SSBP3: variants seen among roughly 807,000 people sequenced by gnomAD.
The protein encoded by SSBP3 is single stranded DNA binding protein 3, also known as single-stranded DNA-binding protein 3.
In SSBP3, 5 loss-of-function variants were observed where a neutral mutation model predicts 69.6. The observed-to-expected ratio is 0.07, with a 90% CI of 0.04 to 0.15. The LOEUF is 0.15. Among genes scored for constraint, SSBP3 ranks in the 10% least tolerant of loss-of-function variants. SSBP3 has a pLI of 1.00. For synonymous variants in SSBP3, 196 were observed against 193.4 expected, an observed-to-expected ratio of 1.01 and a Z score of -0.11; for missense variants, 312 against 534.0, an observed-to-expected ratio of 0.58 and a Z score of 4.10.
chr1:54,334,296 G>C (rs1646471982), intron 4 of SSBP3, among the ~76,000 whole-genome samples: 1 of 151,860 alleles, frequency 6.6e-6, no homozygotes. Context: ...AGGTTGAAGT[G>C]AGCTGAGATT....
At chr1:54,375,292 A>ACCACCTAT (rs1647200193) in intron 4 of SSBP3, among the ~76,000 whole-genome samples, 2 of 152,246 alleles carry the variant, frequency 1.3e-5, no homozygotes, top group African/African-American at 2.4e-5. Context: ...TGGATGACAA[A>ACCACCTAT]CCACCTAGGG....
intron 4 of SSBP3, among the ~76,000 whole-genome samples, chr1:54,349,683 G>C (rs1466494150): frequency 6.6e-6 from 1 of 150,862 alleles, no homozygotes; most frequent in Non-Finnish European, 1.5e-5. Flanking sequence ...GTCACAAGAG[G>C]TGGGTATCCA....
chr1:54,315,406 A>C (rs1646077299), intron 4 of SSBP3, among the ~76,000 whole-genome samples: 1 of 152,154 alleles, frequency 6.6e-6, no homozygotes, highest in East Asian at 1.9e-4. Context: ...GTACTATGAG[A>C]AGCACACAGC....
intron 5 of SSBP3, among the ~76,000 whole-genome samples, chr1:54,276,608 CAAAA>C (rs746933473): frequency 0.19 from 6,530 of 34,760 alleles, 156 homozygotes; most frequent in Middle Eastern, 0.21. Context: ...GACTCTGTCT[CAAAA>C]AAAAAAAAAA....
chr1:54,308,311 G>A (rs1371526382), intron 4 of SSBP3, among the ~76,000 whole-genome samples: 1 of 151,960 alleles, frequency 6.6e-6, no homozygotes, highest in Non-Finnish European at 1.5e-5. Flanking sequence ...ACAAAAATTA[G>A]CCGGGCGTGG....
At chr1:54,265,873 G>A (rs1645093081) in intron 5 of SSBP3, among the ~76,000 whole-genome samples, 1 of 152,208 alleles carries the variant, frequency 6.6e-6, no homozygotes, top group East Asian at 1.9e-4. Context: ...TGGGCAGACA[G>A]CAAGGGTTCA....
At chr1:54,256,146 C>G (rs530615417) in intron 7 of SSBP3, among the ~76,000 whole-genome samples, 1 of 152,146 alleles carries the variant, frequency 6.6e-6, no homozygotes, top group East Asian at 1.9e-4. Flanking sequence ...TCACCTCACT[C>G]AGGAGCCTTC....
upstream of SSBP3, among the ~76,000 whole-genome samples, chr1:54,407,052 G>A (rs1649833463): frequency 6.6e-6 from 1 of 152,056 alleles, no homozygotes; most frequent in Admixed American, 6.5e-5. Flanking sequence ...TCGAGCCGGC[G>A]CCGAGGCGCG....
intron 14 of SSBP3, among the ~76,000 whole-genome samples, chr1:54,235,612 C>T (rs1401815612): frequency 6.6e-6 from 1 of 151,850 alleles, no homozygotes; most frequent in East Asian, 1.9e-4. Context: ...GCCACCACGC[C>T]TGGCTAATTT....
intron 4 of SSBP3, among the ~76,000 whole-genome samples, chr1:54,289,588 C>T (rs1285236261): frequency 6.6e-6 from 1 of 152,082 alleles, no homozygotes; most frequent in East Asian, 1.9e-4. Context: ...GTGCTCTGGG[C>T]AGGCGCTGTG....
intron 4 of SSBP3, among the ~76,000 whole-genome samples, chr1:54,396,367 T>C (rs1648888231): frequency 6.6e-6 from 1 of 152,112 alleles, no homozygotes; most frequent in South Asian, 2.1e-4. Flanking sequence ...CTAAAAAAGA[T>C]TAATTTTTCT....
At chr1:54,300,836 T>C (rs949971835) in intron 4 of SSBP3, among the ~76,000 whole-genome samples, 1 of 152,214 alleles carries the variant, frequency 6.6e-6, no homozygotes, top group African/African-American at 2.4e-5. Context: ...CCATTTTTTT[T>C]ATTTCAGAGA....
intron 1 of SSBP3, 41 bp downstream of exon 1, chr1:54,405,912 C>T (rs780224930): frequency 2.4e-6 from 3 of 1,240,560 alleles, no homozygotes; most frequent in Non-Finnish European, 2.1e-6. Context: ...CCGCCCGCAG[C>T]CCGGCGGCGG....
At chr1:54,369,222 G>GGT (rs1553146722) in intron 4 of SSBP3, among the ~76,000 whole-genome samples, 1 of 150,892 alleles carries the variant, frequency 6.6e-6, no homozygotes, top group African/African-American at 2.4e-5. Context: ...TTGAGTCGGG[G>GGT]GGGGGGCCCA....
chr1:54,296,429 T>C (rs1557506796), intron 4 of SSBP3, among the ~76,000 whole-genome samples: 2 of 152,230 alleles, frequency 1.3e-5, no homozygotes, highest in African/African-American at 2.4e-5. Context: ...TTTAAGGCCA[T>C]TGCCATGGTC....
chr1:54,289,067 C>A (rs1175891099), intron 4 of SSBP3, among the ~76,000 whole-genome samples: 2 of 121,298 alleles, frequency 1.6e-5, no homozygotes, highest in Non-Finnish European at 3.6e-5. Context: ...ACAGTAATGT[C>A]CCACTCACCC....
chr1:54,272,584 A>G (rs1394974257), intron 5 of SSBP3, among the ~76,000 whole-genome samples: 1 of 151,774 alleles, frequency 6.6e-6, no homozygotes, highest in Non-Finnish European at 1.5e-5. Context: ...AGCTATGAAG[A>G]GACAAAACAA....
chr1:54,405,988 G>A (rs767395337), exon 1 of SSBP3: 32 of 1,484,246 alleles, frequency 2.2e-5, no homozygotes, highest in African/African-American at 1.0e-4. Context: ...GCACCGCCGA[G>A]CCTTTGCCTT....
chr1:54,405,006 G>C (rs550316406), intron 1 of SSBP3, 76 bp from the exon 2 acceptor site: 2 of 1,356,212 alleles, frequency 1.5e-6, no homozygotes, highest in East Asian at 4.7e-5. Context: ...GACCTTGCCA[G>C]CAGGCTTTGA....
Sources: allele counts gnomAD v4.1 joint callset (sites outside exome capture counted in the v4.1 genomes callset), GRCh38; gene constraint gnomAD v4.1.1; transcripts MANE v1.5; gene names NCBI Gene and HGNC (gene_info 2026-07-23, HGNC 2026-07-21).